The following ASXL3 variants were observed in gnomAD, a reference collection of about 807,000 sequenced individuals.
ASXL3 encodes the protein putative Polycomb group protein ASXL3.
Under a neutral mutation model 170.6 loss-of-function variants are expected in ASXL3, and 34 were observed. The ratio of observed to expected loss-of-function variants is 0.20; its 90% CI spans 0.15 to 0.27. ASXL3 has a LOEUF of 0.27. Ranked by LOEUF, ASXL3 falls within the 10% of genes least tolerant of loss-of-function variation. The pLI is 1.00. For missense variants in ASXL3, 2,592 were observed against 2,695.3 expected (o/e 0.96, Z 0.85); for synonymous variants, 1,002 against 989.1 (o/e 1.01, Z -0.24).
At chr18:33,730,836 T>C (rs1485203035) in intron 8 of ASXL3, among the ~76,000 whole-genome samples, 1 of 152,176 alleles carries the variant, frequency 6.6e-6, no homozygotes, top group Non-Finnish European at 1.5e-5. Context: ...TAATTGAGCA[T>C]GAGTAAACAA....
At chr18:33,624,442 TG>T (rs1213514255) in intron 2 of ASXL3, among the ~76,000 whole-genome samples, 6 of 152,124 alleles carry the variant, frequency 3.9e-5, no homozygotes, top group African/African-American at 1.4e-4. Context: ...GTTTTTTTGT[TG>T]TTGTTGTATT....
At chr18:33,641,632 T>G (rs2065848339) in intron 2 of ASXL3, among the ~76,000 whole-genome samples, 1 of 152,086 alleles carries the variant, frequency 6.6e-6, no homozygotes, top group African/African-American at 2.4e-5. Flanking sequence ...GCCCCAGTTT[T>G]TTCTTCCCAG....
In ASXL3 at chr18:33,743,370, C is replaced by T; in HGVS notation, c.3522C>T (p.His1174=). The change falls in exon 12 of 12, where the codon CAC becomes CAT. Residue 1174 remains histidine, a synonymous_variant. Transcript: ENST00000269197. ...NCRSPSNKSA[H]LRETTTVLQQ... ...GATCTCCTAGCAACAAGTCTGCCCACCTCCGGGAGACCACCACTGTACTAC... is the reference window on the plus strand; with the variant it reads ...GATCTCCTAGCAACAAGTCTGCCCATCTCCGGGAGACCACCACTGTACTAC... The T allele has an allele frequency of 6.2e-7, 1 of 1,613,376 alleles. No homozygotes were observed. Among genetic ancestry groups the T allele is most frequent in the South Asian group, 1.1e-5 (1 of 91,080 alleles).
intron 8 of ASXL3, among the ~76,000 whole-genome samples, chr18:33,704,799 T>A (rs557417137): frequency 2.4e-4 from 36 of 152,166 alleles, no homozygotes; most frequent in Non-Finnish European, 5.9e-5. Context: ...TTGTGTTTTA[T>A]ACGTTAGAAG....
chr18:33,739,535 C>A lies in ASXL3; in HGVS notation c.2131C>A (p.Pro711Thr), dbSNP rs2067617159. 1 of 1,613,938 alleles carries A rather than the reference C, an allele frequency of 6.2e-7. No individual in the cohort carries two copies. The highest frequency in any genetic ancestry group is 8.5e-7 in the Non-Finnish European group (1 of 1,179,856). Reference protein sequence around the residue: ...TSEASPVSNLPLTSETSPMSD... With the variant: ...TSEASPVSNLTLTSETSPMSD... The stretch of plus-strand genomic sequence containing the variant: ...TGAAGCATCACCAGTATCCAACTTA[C>A]CTTTAACATCAGAAACCTCACCGAT... The change falls in exon 11 of 12, where the codon CCT (proline) becomes ACT (threonine). Residue 711 changes from proline to threonine, a missense_variant. Coordinates refer to ENST00000269197, the MANE Select transcript of ASXL3 (RefSeq NM_030632.3).
At chr18:33,614,639 C>T (rs1236630197) in intron 2 of ASXL3, 2 of 152,022 alleles carry the variant, frequency 1.3e-5, no homozygotes, top group African/African-American at 4.8e-5. Context: ...GCTTTTACAG[C>T]CTTAGGAAAT....
intron 1 of ASXL3, among the ~76,000 whole-genome samples, chr18:33,594,005 C>T (rs190452720): frequency 1.3e-5 from 2 of 152,232 alleles, no homozygotes; most frequent in South Asian, 2.1e-4. Flanking sequence ...ATTATATGTC[C>T]TCCATACCTG....
At chr18:33,688,104 A>G (rs368140455) in intron 8 of ASXL3, among the ~76,000 whole-genome samples, 2 of 152,190 alleles carry the variant, frequency 1.3e-5, no homozygotes, top group Non-Finnish European at 1.5e-5. Flanking sequence ...TAAGATTCAC[A>G]CTAATAGTAC....
rs565808485 is a variant in ASXL3, at chr18:33,748,363, T to C, written c.*1768T>C. The C allele has an allele frequency of 1.1e-4, 16 of 152,294 alleles. No individual in the cohort carries two copies. Among genetic ancestry groups the C allele is most frequent in the African/African-American group, 3.8e-4 (16 of 41,568 alleles). 9.4% of individuals were successfully genotyped at this position (152,294 alleles called of 1,614,324 possible). ...TTGCCAAATTTCTTTCTTTAGGTGATAGAGACATCATTTCGAATAACAAAT... is the reference window on the plus strand; with the variant it reads ...TTGCCAAATTTCTTTCTTTAGGTGACAGAGACATCATTTCGAATAACAAAT... On this transcript the variant is annotated 3_prime_UTR_variant, in exon 12 of 12. Coordinates refer to ENST00000269197, the MANE Select transcript of ASXL3 (RefSeq NM_030632.3).
intron 7 of ASXL3, among the ~76,000 whole-genome samples, chr18:33,680,386 T>C (rs1167269828): frequency 1.3e-5 from 2 of 152,062 alleles, no homozygotes; most frequent in Non-Finnish European, 2.9e-5. Context: ...TTGTGTTTTG[T>C]TTTCTTGCTG....
intron 2 of ASXL3, among the ~76,000 whole-genome samples, chr18:33,641,482 A>G (rs1467170758): frequency 6.6e-6 from 1 of 152,100 alleles, no homozygotes; most frequent in Non-Finnish European, 1.5e-5. Context: ...TGGGAGAAAG[A>G]AAAGAATTGG....
chr18:33,654,836 T>C (rs1299881022), intron 4 of ASXL3, among the ~76,000 whole-genome samples: 1 of 152,080 alleles, frequency 6.6e-6, no homozygotes, highest in Non-Finnish European at 1.5e-5. Context: ...CAATATATGC[T>C]TTTCCTACTA....
intron 1 of ASXL3, among the ~76,000 whole-genome samples, chr18:33,597,871 A>G (rs2065144868): frequency 6.6e-6 from 1 of 152,172 alleles, no homozygotes; most frequent in South Asian, 2.1e-4. Context: ...ATGTCTTAAC[A>G]TAAGTCAAGT....
intron 7 of ASXL3, among the ~76,000 whole-genome samples, chr18:33,678,703 T>C (rs2066469190): frequency 6.6e-6 from 1 of 152,192 alleles, no homozygotes; most frequent in African/African-American, 2.4e-5. Flanking sequence ...TGACTACATC[T>C]TTTTTCCTTC....
In ASXL3 at chr18:33,670,750, A is replaced by G. The variant is rs1392720430; in HGVS notation, c.555A>G (p.Thr185=). The change falls in exon 6 of 12, where the codon ACA becomes ACG. Residue 185 remains threonine (T), a synonymous_variant. Coordinates refer to ENST00000269197, the MANE Select transcript of ASXL3 (RefSeq NM_030632.3). ...VNKTVPRVVL[T]PLKVSDEQSD... is the part of the protein sequence containing the mutation. ...AGACTGTTCCTCGTGTTGTTTTGAC[A>G]CCATTAAAGGTGTCTGATGAGCAGT... The G allele has an allele frequency of 6.4e-7, 1 of 1,561,846 alleles. No homozygotes were observed. The highest frequency in any genetic ancestry group is 8.7e-7 in the Non-Finnish European group (1 of 1,152,142).
In ASXL3 at chr18:33,739,913, A is replaced by G; in HGVS notation, c.2509A>G (p.Thr837Ala). 1 of 1,613,934 alleles carries G rather than the reference A, an allele frequency of 6.2e-7. No homozygotes were observed. The highest frequency in any genetic ancestry group is 8.5e-7 in the Non-Finnish European group (1 of 1,179,884). The change falls in exon 11 of 12, where the codon ACC becomes GCC. Residue 837 changes from threonine to alanine, a missense_variant. Thr to Ala is a moderately conservative substitution (Grantham distance 58). Coordinates refer to ENST00000269197, the MANE Select transcript of ASXL3 (RefSeq NM_030632.3). ...GCACAATAAGACCCTGAGTCAGCAAACCTGTAAATCACATGTTGACACTGA... is the reference window on the plus strand; with the variant it reads ...GCACAATAAGACCCTGAGTCAGCAAGCCTGTAAATCACATGTTGACACTGA... ...DLHNKTLSQQ[T>A]CKSHVDTEKP...
intron 2 of ASXL3, among the ~76,000 whole-genome samples, chr18:33,637,749 T>C (rs1437106311): frequency 6.6e-6 from 1 of 152,198 alleles, no homozygotes; most frequent in African/African-American, 2.4e-5. Context: ...TGACTGCCTC[T>C]GCATAGGAGT....
intron 2 of ASXL3, among the ~76,000 whole-genome samples, chr18:33,628,061 A>G (rs1251000214): frequency 2.0e-5 from 3 of 152,160 alleles, no homozygotes; most frequent in Non-Finnish European, 2.9e-5. Flanking sequence ...ACTAACATTT[A>G]TGTAGTAACT....
chr18:33,677,225 C>T (rs1173085762), intron 7 of ASXL3, among the ~76,000 whole-genome samples: 1 of 152,076 alleles, frequency 6.6e-6, no homozygotes, highest in Non-Finnish European at 1.5e-5. Context: ...TAAAATGGCA[C>T]ATACTCTTTA....
Sources: gnomAD v4.1 joint callset for allele counts (sites outside exome capture counted in the v4.1 genomes callset) on GRCh38, gnomAD v4.1.1 for gene constraint, MANE v1.5 for transcripts, NCBI Gene and HGNC (gene_info 2026-07-23, HGNC 2026-07-21) for gene names.